TCF7L2: variants seen among roughly 807,000 people sequenced by gnomAD.
The protein encoded by TCF7L2 is transcription factor 7-like 2.
TCF7L2 carries 23 observed loss-of-function variants against 77.9 expected under a neutral mutation model. The observed-to-expected ratio is 0.30, with a 90% CI of 0.21 to 0.42. The LOEUF (loss-of-function observed/expected upper bound fraction) is 0.42. Among genes scored for constraint, TCF7L2 ranks in the 10% least tolerant of loss-of-function variants. TCF7L2 has a pLI of 1.00. For synonymous variants in TCF7L2, 413 were observed against 340.2 expected, an observed-to-expected ratio of 1.21 and a Z score of -2.36; for missense variants, 654 against 793.1, an observed-to-expected ratio of 0.82 and a Z score of 2.11.
intron 5 of TCF7L2, among the ~76,000 whole-genome samples, chr10:113,113,922 T>G (rs1268715103): frequency 6.6e-6 from 1 of 152,186 alleles, no homozygotes; most frequent in Non-Finnish European, 1.5e-5. Flanking sequence ...CCCACTGTGA[T>G]TCCACTTTTC....
At chr10:112,987,462 C>A (rs923657864) in intron 4 of TCF7L2, 1 of 142,372 alleles carries the variant, frequency 7.0e-6, no homozygotes, top group African/African-American at 2.6e-5. Context: ...ATAAACAAAT[C>A]TCCTTTTACT....
intron 3 of TCF7L2, among the ~76,000 whole-genome samples, chr10:112,955,080 T>C (rs1400638643): frequency 6.6e-6 from 1 of 152,154 alleles, no homozygotes; most frequent in Non-Finnish European, 1.5e-5. Context: ...TGGTGGTCCT[T>C]CCCAGTTGTC....
At chr10:113,077,360 G>C (rs766125329) in intron 5 of TCF7L2, among the ~76,000 whole-genome samples, 1 of 152,148 alleles carries the variant, frequency 6.6e-6, no homozygotes, top group Non-Finnish European at 1.5e-5. Flanking sequence ...ATACCATGCA[G>C]TTCACCCATT....
At chr10:113,045,569 G>A (rs2053296187) in intron 5 of TCF7L2, among the ~76,000 whole-genome samples, 1 of 152,250 alleles carries the variant, frequency 6.6e-6, no homozygotes, top group Middle Eastern at 3.4e-3. Flanking sequence ...CTGGAGAGTG[G>A]GACATGCATC....
chr10:113,165,769 C>T lies in TCF7L2; in HGVS notation c.1606C>T (p.Pro536Ser), dbSNP rs1447835317. The T allele has an allele frequency of 2.5e-6, 4 of 1,608,688 alleles. No individual in the cohort carries two copies. Among genetic ancestry groups the T allele is most frequent in the Admixed American group, 1.7e-5 (1 of 59,490 alleles). ...CCACCTGTCCATGATGCCTCCGCCACCCGCCCTCCTGCTCGCTGAGGCCAC... is the reference window on the plus strand; with the variant it reads ...CCACCTGTCCATGATGCCTCCGCCATCCGCCCTCCTGCTCGCTGAGGCCAC... The change falls in exon 14 of 14, where the codon CCC becomes TCC. Residue 536 changes from proline to serine, a missense_variant. By Grantham distance (74) the Pro-to-Ser change is moderately conservative (BLOSUM62 -1). Around this residue, in one of 6 missense-constraint regions of TCF7L2, gnomAD observed 272 missense variants for 215.4 expected, o/e 1.26. Transcript: ENST00000627217.
chr10:113,136,888 G>A (rs2067494284), intron 5 of TCF7L2, among the ~76,000 whole-genome samples: 1 of 152,158 alleles, frequency 6.6e-6, no homozygotes, highest in South Asian at 2.1e-4. Flanking sequence ...AGAGAAGTGG[G>A]AGGTGTTCAA....
intron 11 of TCF7L2, among the ~76,000 whole-genome samples, chr10:113,154,523 G>C (rs137877871): frequency 6.6e-6 from 1 of 152,168 alleles, no homozygotes; most frequent in East Asian, 1.9e-4. Flanking sequence ...ATTTACACTG[G>C]GGTCTATGTG....
chr10:113,037,043 GAA>G (rs923051536), intron 4 of TCF7L2, among the ~76,000 whole-genome samples: 10 of 151,946 alleles, frequency 6.6e-5, no homozygotes, highest in African/African-American at 2.2e-4. Context: ...CTCCAGGAAG[GAA>G]AAAAATTTTC....
intron 4 of TCF7L2, among the ~76,000 whole-genome samples, chr10:112,989,282 A>G (rs2042106712): frequency 6.6e-6 from 1 of 151,500 alleles, no homozygotes; most frequent in Admixed American, 6.6e-5. Context: ...TGCACGTGAC[A>G]TTGGTGAGGA....
At chr10:113,127,271 T>C (rs2136420670) in intron 5 of TCF7L2, among the ~76,000 whole-genome samples, 1 of 149,362 alleles carries the variant, frequency 6.7e-6, no homozygotes, top group Middle Eastern at 3.5e-3. Flanking sequence ...TCCACCAAGT[T>C]AAAGACACCA....
At chr10:113,063,190 C>T (rs767057600) in intron 5 of TCF7L2, among the ~76,000 whole-genome samples, 1 of 152,146 alleles carries the variant, frequency 6.6e-6, no homozygotes, top group Admixed American at 6.5e-5. Context: ...GCTCATGACA[C>T]CCGCCCCACC....
chr10:112,963,943 G>C (rs757231310), intron 3 of TCF7L2, among the ~76,000 whole-genome samples: 1 of 152,178 alleles, frequency 6.6e-6, no homozygotes, highest in Non-Finnish European at 1.5e-5. Flanking sequence ...GATTACTAGA[G>C]TGCAGGCGAC....
chr10:113,141,147 G>A lies in TCF7L2; in HGVS notation c.553-37G>A, dbSNP rs201534220. On this transcript the variant is annotated intron_variant, in intron 5 of 13. Coordinates refer to ENST00000627217, the MANE Select transcript of TCF7L2 (RefSeq NM_001146274.2). ...TCTGAAGCCCTGGGCTGCTGGAACC[G>A]GCTTGACGGTGTCTTTCTCTGTTCT... 338 of 1,610,282 alleles carry A rather than the reference G, an allele frequency of 2.1e-4. 3 individuals carry two copies. The East Asian group carries it at 7.0e-3, about 33-fold the overall frequency.
At chr10:112,973,748 C>T (rs980568628) in intron 4 of TCF7L2, among the ~76,000 whole-genome samples, 6 of 152,168 alleles carry the variant, frequency 3.9e-5, no homozygotes, top group African/African-American at 1.4e-4. Flanking sequence ...TGCCACCACG[C>T]CCTGGCTAAT....
intron 5 of TCF7L2, among the ~76,000 whole-genome samples, chr10:113,136,026 G>A (rs1226091789): frequency 6.6e-6 from 1 of 152,228 alleles, no homozygotes; most frequent in African/African-American, 2.4e-5. Flanking sequence ...CAGACTGGGA[G>A]AGTGTAGAAG....
At chr10:112,964,688 T>C in intron 4 of TCF7L2, 64 bp downstream of exon 4, 1 of 1,380,998 alleles carries the variant, frequency 7.2e-7, no homozygotes, top group Non-Finnish European at 1.0e-6. Flanking sequence ...TGTGTTTTAT[T>C]CTCCGCCCCT....
At chr10:113,101,856 A>AAAAAAAAAAAAG (rs1564896033) in intron 5 of TCF7L2, among the ~76,000 whole-genome samples, 2 of 143,478 alleles carry the variant, frequency 1.4e-5, no homozygotes, top group Non-Finnish European at 3.0e-5. Context: ...AAAAAAAAAA[A>AAAAAAAAAAAAG]AGAGAGGTGT....
At chr10:113,103,694 G>A (rs138571000) in intron 5 of TCF7L2, among the ~76,000 whole-genome samples, 2 of 152,060 alleles carry the variant, frequency 1.3e-5, no homozygotes, top group South Asian at 2.1e-4. Context: ...ACATTTTTTC[G>A]TACTTATTAA....
At chr10:112,968,565 G>T (rs1264546559) in intron 4 of TCF7L2, among the ~76,000 whole-genome samples, 2 of 152,002 alleles carry the variant, frequency 1.3e-5, no homozygotes, top group East Asian at 1.9e-4. Context: ...GGAGTCAAAA[G>T]GTATACTCGG....
Sources: gnomAD v4.1 joint callset for allele counts (sites outside exome capture counted in the v4.1 genomes callset) on GRCh38, gnomAD v4.1.1 for gene constraint, gnomAD v4.1.1 regional missense constraint, MANE v1.5 for transcripts, NCBI Gene and HGNC (gene_info 2026-07-23, HGNC 2026-07-21) for gene names.